Variants in PRPH2 observed in about 807,000 individuals in gnomAD.
PRPH2 encodes the protein peripherin-2.
A neutral mutation model predicts 31.3 loss-of-function variants in PRPH2; 17 were observed. The ratio of observed to expected loss-of-function variants is 0.54; its 90% CI spans 0.37 to 0.81. PRPH2 has a LOEUF of 0.81. Ranked by LOEUF, PRPH2 falls within the 40% of genes least tolerant of loss-of-function variation. The pLI is 0.00. For synonymous variants in PRPH2, 165 were observed against 184.4 expected, an observed-to-expected ratio of 0.89 and a Z score of 0.85; for missense variants, 430 against 439.7, an observed-to-expected ratio of 0.98 and a Z score of 0.20.
chr6:42,721,624 G>A (rs1582780204), intron 1 of PRPH2, 130 bp downstream of exon 1: 7 of 1,050,256 alleles, frequency 6.7e-6, no homozygotes, highest in Admixed American at 1.7e-5. Context: ...CCTCACATAC[G>A]CAGCAATAAG....
chr6:42,701,716 G>C (rs1032044455), intron 2 of PRPH2, among the ~76,000 whole-genome samples: 2 of 71,842 alleles, frequency 2.8e-5, no homozygotes, highest in Admixed American at 2.7e-4. Context: ...TTTTAGTAGA[G>C]ATGAGGGCTC....
At chr6:42,711,684 G>A in intron 1 of PRPH2, 1 of 900,650 alleles carries the variant, frequency 1.1e-6, no homozygotes, top group East Asian at 1.2e-4. Flanking sequence ...TGAGAGGGGA[G>A]AAACCCCATA....
In PRPH2 at chr6:42,704,481, G is replaced by A. The variant is rs1800112374; in HGVS notation, c.712C>T (p.His238Tyr). 2 of 1,613,988 alleles carry A rather than the reference G, an allele frequency of 1.2e-6. No homozygotes were observed. The highest frequency in any genetic ancestry group is 1.7e-6 in the Non-Finnish European group (2 of 1,180,010). The change falls in exon 2 of 3, where the codon CAC (histidine) becomes TAC (tyrosine). Residue 238 changes from histidine to tyrosine, a missense_variant. By Grantham distance (83) the His-to-Tyr change is moderately conservative. Coordinates refer to ENST00000230381, the MANE Select transcript of PRPH2 (RefSeq NM_000322.5). ...TNNSAHYSYDHQTEELNLWVR... is the reference protein window; with the variant it reads ...TNNSAHYSYDYQTEELNLWVR... ...CACAGGTTGAGCTCCTCCGTCTGGT[G>A]GTCGTAACTGTAGTGTGCTGAGTTG...
rs897722728 is a variant in PRPH2, at chr6:42,722,398, C to T, written c.-64G>A. ...GCTCCCACCCCAAACCTTAACGAGC[C>T]CAGAGGCGGAGACTTAGGGCCTTGG... On this transcript the variant is annotated 5_prime_UTR_variant, in exon 1 of 3. Transcript: ENST00000230381. This position sits in a 1 kb window ranked among gnomAD's most constrained non-coding sequence, Gnocchi z 4.4. 1 of 1,601,704 alleles carries T rather than the reference C, an allele frequency of 6.2e-7. No homozygotes were observed. The highest frequency in any genetic ancestry group is 1.3e-5 in the African/African-American group (1 of 74,962).
At chr6:42,704,890 C>A (rs1031455348) in intron 1 of PRPH2, among the ~76,000 whole-genome samples, 6 of 152,202 alleles carry the variant, frequency 3.9e-5, no homozygotes, top group Non-Finnish European at 8.8e-5. Context: ...TGCTGCCAGG[C>A]GCTTTCTTGG....
intron 1 of PRPH2, among the ~76,000 whole-genome samples, chr6:42,709,274 G>A (rs1800230364): frequency 6.8e-6 from 1 of 147,290 alleles, no homozygotes; most frequent in Non-Finnish European, 1.5e-5. Flanking sequence ...AGATTGCAGT[G>A]AGCTGAGATC....
chr6:42,721,904 G>C lies in PRPH2; in HGVS notation c.431C>G (p.Thr144Arg). 6.2e-7 allele frequency: 1 copy of C among 1,614,194 alleles called. No homozygotes were observed. The highest frequency in any genetic ancestry group is 8.5e-7 in the Non-Finnish European group (1 of 1,180,034). Residue 144 changes from threonine (T) to arginine (R), a missense_variant, in exon 1 of 3, where the codon ACA becomes AGA. By Grantham distance (71) the Thr-to-Arg change is moderately conservative. Transcript: ENST00000230381. ...LKNGMKYYRD[T>R]DTPGRCFMKK... ...CATGAAACACCTGCCAGGGGTGTCT[G>C]TGTCCCGGTAGTACTTCATGCCGTT... is the stretch of plus-strand genomic sequence containing the variant.
In PRPH2 at chr6:42,713,844, C is replaced by T. The variant is rs941945763; in HGVS notation, c.581+7910G>A. Among the ~76,000 whole-genome samples the T allele has an allele frequency of 2.7e-5, 4 of 146,468 alleles. No individual in the cohort carries two copies. The East Asian group carries it at 6.2e-4, about 23-fold the overall frequency. ...CTGAGGCAGGAGAATCGCTTGAACC[C>T]GGGAGGCGAAGGTTGCAGTGAGCCA... On this transcript the variant is annotated intron_variant, in intron 1 of 2. Coordinates refer to ENST00000230381, the MANE Select transcript of PRPH2 (RefSeq NM_000322.5).
At chr6:42,711,462 G>T (rs751911240) in intron 1 of PRPH2, among the ~76,000 whole-genome samples, 19 of 151,752 alleles carry the variant, frequency 1.3e-4, no homozygotes, top group Non-Finnish European at 2.4e-4. Flanking sequence ...ATGCAGCCCT[G>T]TCCTCAGGGA....
At chr6:42,715,935 T>C (rs930579362) in intron 1 of PRPH2, among the ~76,000 whole-genome samples, 1 of 152,218 alleles carries the variant, frequency 6.6e-6, no homozygotes, top group East Asian at 1.9e-4. Context: ...ACCCAGCTCC[T>C]CCTCTCAGGA....
At chr6:42,700,034 C>T (rs1333901059) in intron 2 of PRPH2, among the ~76,000 whole-genome samples, 1 of 151,072 alleles carries the variant, frequency 6.6e-6, no homozygotes, top group African/African-American at 2.4e-5. Context: ...TCTTGGCTCA[C>T]TGCAATCTCC....
intron 1 of PRPH2, among the ~76,000 whole-genome samples, chr6:42,717,849 C>T (rs759244994): frequency 4.6e-5 from 7 of 152,112 alleles, no homozygotes; most frequent in Non-Finnish European, 8.8e-5. Flanking sequence ...ACTTCCCTCG[C>T]AGGCCTTGTT....
chr6:42,703,182 A>T (rs546367027), intron 2 of PRPH2, among the ~76,000 whole-genome samples: 1 of 152,282 alleles, frequency 6.6e-6, no homozygotes, highest in Non-Finnish European at 1.5e-5. Flanking sequence ...TGACAGGTGA[A>T]TTTTTCTTCT....
In PRPH2 at chr6:42,722,350, T is replaced by A. The variant is rs1158874527; in HGVS notation, c.-16A>T. Reference sequence around the variant, plus strand: ...GTAGCGCCATGCTTGCCAAGTGTAGTCCGGGTTGCTTCCCACAGCACAGCT... The same window carrying A: ...GTAGCGCCATGCTTGCCAAGTGTAGACCGGGTTGCTTCCCACAGCACAGCT... On this transcript the variant is annotated 5_prime_UTR_variant, in exon 1 of 3. Coordinates refer to ENST00000230381, the MANE Select transcript of PRPH2 (RefSeq NM_000322.5). The surrounding 1 kb of genome is among the most constrained non-coding windows in gnomAD (Gnocchi z 4.4). The A allele has an allele frequency of 6.2e-7, 1 of 1,612,380 alleles. No individual in the cohort carries two copies. The highest frequency in any genetic ancestry group is 8.5e-7 in the Non-Finnish European group (1 of 1,179,998).
At chr6:42,705,599 A>ATATAT (rs1317305870) in intron 1 of PRPH2, among the ~76,000 whole-genome samples, 3 of 21,564 alleles carry the variant, frequency 1.4e-4, no homozygotes, top group Admixed American at 6.5e-4. Context: ...AAAAAAAAAA[A>ATATAT]ATATATATAT....
rs1161769235 is a variant in PRPH2 at position 42,716,962 on chromosome 6, C to CTTTTTTTTT, written c.581+4783_581+4791dup. 5.3e-4 allele frequency among the ~76,000 whole-genome samples: 24 copies of CTTTTTTTTT among 45,182 alleles called. 1 individual carries two copies. The highest frequency in any genetic ancestry group is 1.1e-3 in the African/African-American group (11 of 10,422). The allele number at this position is 45,182 out of a possible 152,430, so 29.6% of individuals were successfully genotyped here. A position where few individuals can be genotyped will look rare whatever the true frequency, so the allele number is the denominator to read the frequency against. On this transcript the variant is annotated intron_variant, in intron 1 of 2. Transcript: ENST00000230381. ...TTCTTTTCTTTTCTTTCTTTCTTTT[C>CTTTTTTTTT]TTTTTTTTTTTTTTTTTTTTTTTTG... is the stretch of plus-strand genomic sequence containing the variant.
intron 2 of PRPH2, among the ~76,000 whole-genome samples, chr6:42,699,075 A>G (rs1431701752): frequency 7.5e-6 from 1 of 133,848 alleles, no homozygotes; most frequent in African/African-American, 2.9e-5. Flanking sequence ...TTTTTTTGAG[A>G]CAAGTCTTAC....
chr6:42,710,240 C>G (rs1017404124), intron 1 of PRPH2, among the ~76,000 whole-genome samples: 1 of 152,032 alleles, frequency 6.6e-6, no homozygotes, highest in Non-Finnish European at 1.5e-5. Context: ...TGTCTCCCCT[C>G]AGACTGGGGC....
intron 1 of PRPH2, among the ~76,000 whole-genome samples, chr6:42,708,822 G>A (rs113752169): frequency 2.0e-5 from 3 of 152,380 alleles, no homozygotes; most frequent in African/African-American, 7.2e-5. Flanking sequence ...TGAGCTGGGA[G>A]TGATAGCAGC....
Sources: gnomAD v4.1 joint callset for allele counts (sites outside exome capture counted in the v4.1 genomes callset) on GRCh38, gnomAD v4.1.1 for gene constraint, Gnocchi (gnomAD v3.1) non-coding constraint, MANE v1.5 for transcripts, NCBI Gene and HGNC (gene_info 2026-07-23, HGNC 2026-07-21) for gene names.